Variants in ENPP3 observed in about 807,000 individuals in gnomAD.
ENPP3 encodes ectonucleotide pyrophosphatase/phosphodiesterase 3.
ENPP3 carries 104 observed loss-of-function variants against 117.8 expected under a neutral mutation model. That is an observed-to-expected ratio of 0.88 (90% CI 0.75 to 1.04). The LOEUF is 1.04. Among genes scored for constraint, ENPP3 ranks in the 50% least tolerant of loss-of-function variants. The pLI, the probability that ENPP3 is intolerant of heterozygous loss-of-function variation, is 0.00. For synonymous variants in ENPP3, 380 were observed against 349.9 expected (o/e 1.09, Z -0.96); for missense variants, 1,026 against 1,051.9 (o/e 0.98, Z 0.34).
chr6:131,743,375 T>C (rs904514205), intron 24 of ENPP3, among the ~76,000 whole-genome samples: 11 of 152,252 alleles, frequency 7.2e-5, no homozygotes, highest in Middle Eastern at 3.4e-3. Flanking sequence ...GCAAATATGT[T>C]AGTTTCCTCA....
intron 2 of ENPP3, among the ~76,000 whole-genome samples, chr6:131,649,696 T>A (rs1050395167): frequency 4.6e-5 from 7 of 152,074 alleles, no homozygotes; most frequent in African/African-American, 1.7e-4. Context: ...GCTAGGACCA[T>A]AGGCGTGCAC....
At chr6:131,723,827 T>TCTCTCTCACACA (rs367662326) in intron 18 of ENPP3, among the ~76,000 whole-genome samples, 3 of 145,850 alleles carry the variant, frequency 2.1e-5, no homozygotes, top group African/African-American at 7.8e-5. Context: ...TCTCTCTCTC[T>TCTCTCTCACACA]CACACACACA....
rs2114417566 is a variant in ENPP3, at chr6:131,683,053, G to C, written c.1012-1G>C. On this transcript the variant is annotated splice_acceptor_variant, in intron 11 of 24. Transcript: ENST00000357639. LOFTEE classifies it high-confidence loss of function. ...AATCTTAACTCCAAATTATTTTTCA[G>C]GTAATTAAAGCCTTACAGGTAGTAG... 1 of 1,575,518 alleles carries C rather than the reference G, an allele frequency of 6.3e-7. No individual in the cohort carries two copies. Among genetic ancestry groups the C allele is most frequent in the East Asian group, 2.2e-5 (1 of 44,678 alleles).
chr6:131,737,361 A>G lies in ENPP3; in HGVS notation c.2096A>G (p.Asn699Ser). The change falls in exon 22 of 25, where the codon AAT (asparagine) becomes AGT (serine). Residue 699 changes from asparagine to serine, a missense_variant. Asn to Ser is a conservative substitution (Grantham distance 46). Coordinates refer to ENST00000357639, the MANE Select transcript of ENPP3 (RefSeq NM_005021.5). ...THGFLYPPAS[N>S]RTSDSQYDAL... ...AGATCCATTTGTTTTGCAGCCAGCAATAGAACATCAGATAGCCAATATGAT... is the reference window on the plus strand; with the variant it reads ...AGATCCATTTGTTTTGCAGCCAGCAGTAGAACATCAGATAGCCAATATGAT... 6.2e-7 allele frequency: 1 copy of G among 1,607,432 alleles called. No homozygotes were observed. The highest frequency in any genetic ancestry group is 1.3e-5 in the African/African-American group (1 of 74,904).
In ENPP3 at chr6:131,641,480, T is replaced by C. The variant is rs750853592; in HGVS notation, c.104T>C (p.Met35Thr). 61 of 1,612,296 alleles carry C rather than the reference T, an allele frequency of 3.8e-5. No homozygotes were observed. The Admixed American group carries it at 6.2e-4, about 16-fold the overall frequency. ...CIVLLALLVI[M>T]SLGLGLGLGL... ...GTTCTTCTTGCTTTGCTGGTGATCATGTCACTTGGATTAGGCCTGGGGCTT... is the reference window on the plus strand; with the variant it reads ...GTTCTTCTTGCTTTGCTGGTGATCACGTCACTTGGATTAGGCCTGGGGCTT... Residue 35 changes from methionine to threonine, a missense_variant, in exon 2 of 25, where the codon ATG (methionine) becomes ACG (threonine). Physicochemically the swap from Met to Thr is moderately conservative, Grantham distance 81. Coordinates refer to ENST00000357639, the MANE Select transcript of ENPP3 (RefSeq NM_005021.5).
At chr6:131,720,759 A>AT (rs1159364590) in intron 17 of ENPP3, among the ~76,000 whole-genome samples, 4 of 151,604 alleles carry the variant, frequency 2.6e-5, no homozygotes, top group African/African-American at 4.8e-5. Flanking sequence ...TTTTTTTTGT[A>AT]TTTTTTGTAG....
rs188074624 is a variant in ENPP3, at chr6:131,675,346, C to G, written c.872+157C>G. On this transcript the variant is annotated intron_variant, in intron 9 of 24. Transcript: ENST00000357639. Reference sequence around the variant, plus strand: ...TTCCTTTATGTCACTCAAGCAGTCTCTCAGTAAATGCTTTTGGCTGTAATT... The same window carrying G: ...TTCCTTTATGTCACTCAAGCAGTCTGTCAGTAAATGCTTTTGGCTGTAATT... The G allele has an allele frequency of 2.7e-4, 157 of 585,252 alleles. No individual in the cohort carries two copies. In the East Asian group the frequency reaches 4.4e-3, roughly 16 times the overall value. The allele number at this position is 585,252 out of a possible 1,614,324, so 36.3% of individuals were successfully genotyped here.
intron 2 of ENPP3, among the ~76,000 whole-genome samples, chr6:131,644,344 G>C (rs1240501452): frequency 6.6e-6 from 1 of 152,180 alleles, no homozygotes; most frequent in South Asian, 2.1e-4. Flanking sequence ...ATAGATAGTA[G>C]AGTGAGAGCA....
chr6:131,731,019 C>A (rs369050865), intron 20 of ENPP3, among the ~76,000 whole-genome samples: 2 of 152,020 alleles, frequency 1.3e-5, no homozygotes, highest in Middle Eastern at 3.4e-3. Context: ...TTTTGAGTCA[C>A]GTCTGCAACT....
In ENPP3 at chr6:131,710,550, C is replaced by T. The variant is rs1055401194; in HGVS notation, c.1413-8122C>T. 3 of 1,611,998 alleles carry T rather than the reference C, an allele frequency of 1.9e-6. No individual in the cohort carries two copies. In the African/African-American group the frequency reaches 4.0e-5, roughly 22 times the overall value. Reference sequence around the variant, plus strand: ...CATCTTGTTGAGAATGTTTAGATTTCTCTTCTTTTAAGTCTTTTTCTAGAC... The same window carrying T: ...CATCTTGTTGAGAATGTTTAGATTTTTCTTCTTTTAAGTCTTTTTCTAGAC... On this transcript the variant is annotated intron_variant, in intron 15 of 24. Transcript: ENST00000357639.
In ENPP3 at chr6:131,650,083, T is replaced by C. The variant is rs1178805749; in HGVS notation, c.211T>C (p.Cys71Arg). 3.1e-6 allele frequency: 5 copies of C among 1,614,046 alleles called. No homozygotes were observed. Among genetic ancestry groups the C allele is most frequent in the Non-Finnish European group, 4.2e-6 (5 of 1,179,956 alleles). ...ASFRGLENCR[C>R]DVACKDRGDC... ...ATTTAGAGGACTGGAGAACTGCCGG[T>C]GTGATGTGGCATGTAAAGACCGAGG... is the stretch of plus-strand genomic sequence containing the variant. The change falls in exon 3 of 25, where the codon TGT (cysteine) becomes CGT (arginine). Residue 71 changes from cysteine to arginine, a missense_variant. By Grantham distance (180) the Cys-to-Arg change is radical. Coordinates refer to ENST00000357639, the MANE Select transcript of ENPP3 (RefSeq NM_005021.5).
chr6:131,662,674 G>A (rs530799609), intron 6 of ENPP3, among the ~76,000 whole-genome samples: 4 of 152,198 alleles, frequency 2.6e-5, no homozygotes, highest in South Asian at 2.1e-4. Context: ...CAAGATTGTC[G>A]TGGTTATCTG....
chr6:131,695,010 A>T (rs1008716953), intron 15 of ENPP3, among the ~76,000 whole-genome samples: 8 of 148,730 alleles, frequency 5.4e-5, no homozygotes, highest in African/African-American at 1.8e-4. Flanking sequence ...CTGAGAGTGC[A>T]GTTTCACACT....
chr6:131,746,089 C>CA (rs879555779), intron 24 of ENPP3, among the ~76,000 whole-genome samples: 190 of 137,046 alleles, frequency 1.4e-3, no homozygotes, highest in Middle Eastern at 3.9e-3. Flanking sequence ...GTGACAATGT[C>CA]AAAAAAAAAA....
At chr6:131,717,127 T>C (rs1284316537) in intron 15 of ENPP3, among the ~76,000 whole-genome samples, 1 of 152,178 alleles carries the variant, frequency 6.6e-6, no homozygotes, top group African/African-American at 2.4e-5. Flanking sequence ...TTCCAGGTAC[T>C]TACCTGGCCT....
intron 6 of ENPP3, among the ~76,000 whole-genome samples, 167 bp downstream of exon 6, chr6:131,658,587 A>T (rs184500121): frequency 1.3e-5 from 2 of 152,142 alleles, no homozygotes; most frequent in Admixed American, 1.3e-4. Flanking sequence ...GTATATTTTC[A>T]CGCTTGCTGG....
chr6:131,669,032 C>T (rs1320130245), intron 6 of ENPP3, among the ~76,000 whole-genome samples: 1 of 152,168 alleles, frequency 6.6e-6, no homozygotes, highest in Non-Finnish European at 1.5e-5. Context: ...GCTTAATTTG[C>T]ATTTTATTTT....
At chr6:131,697,793 G>A (rs773146952) in intron 15 of ENPP3, among the ~76,000 whole-genome samples, 18 of 152,096 alleles carry the variant, frequency 1.2e-4, no homozygotes, top group Non-Finnish European at 2.4e-4. Context: ...CTGTTGTGTG[G>A]CCTGGTTCCT....
intron 14 of ENPP3, among the ~76,000 whole-genome samples, chr6:131,690,817 G>A (rs1322764975): frequency 6.6e-6 from 1 of 151,728 alleles, no homozygotes; most frequent in Non-Finnish European, 1.5e-5. Flanking sequence ...TAAAAACTGT[G>A]GACATTCTTG....
Sources: gnomAD v4.1 joint callset for allele counts (sites outside exome capture counted in the v4.1 genomes callset) on GRCh38, gnomAD v4.1.1 for gene constraint, MANE v1.5 for transcripts, NCBI Gene and HGNC (gene_info 2026-07-23, HGNC 2026-07-21) for gene names.